The following STOX2 variants were observed in gnomAD, a reference collection of about 807,000 sequenced individuals.
The protein encoded by STOX2 is storkhead box 2.
STOX2 carries 28 observed loss-of-function variants against 60.9 expected under a neutral mutation model. The ratio of observed to expected loss-of-function variants is 0.46; its 90% CI spans 0.34 to 0.63. The LOEUF (loss-of-function observed/expected upper bound fraction) is 0.63, where lower values mean the gene tolerates loss of function less well. STOX2 is among the 30% of genes least tolerant of loss of function. The pLI, the probability that STOX2 is intolerant of heterozygous loss-of-function variation, is 0.01. For missense variants in STOX2, 1,024 were observed against 1,187.7 expected (o/e 0.86, Z 2.03); for synonymous variants, 472 against 463.9 (o/e 1.02, Z -0.22).
intron 1 of STOX2, among the ~76,000 whole-genome samples, chr4:183,917,000 C>T (rs893902199): frequency 8.5e-5 from 13 of 152,200 alleles, no homozygotes; most frequent in African/African-American, 2.9e-4. Flanking sequence ...GACACATCTG[C>T]CATTTTCTTG....
chr4:183,990,496 T>C (rs1733055314), intron 1 of STOX2, among the ~76,000 whole-genome samples: 1 of 151,056 alleles, frequency 6.6e-6, no homozygotes, highest in Non-Finnish European at 1.5e-5. Context: ...TTTTCTGCTG[T>C]CTACATCTCC....
At position 183,806,797 on chromosome 4, in the gene STOX2, A is replaced by G. The variant is rs1317452710; in HGVS notation, c.364+8742A>G. Among the ~76,000 whole-genome samples, 2 of 152,246 alleles carry G rather than the reference A, an allele frequency of 1.3e-5. No individual in the cohort carries two copies. Among genetic ancestry groups the G allele is most frequent in the East Asian group, 3.9e-4 (2 of 5,184 alleles). ...CCGCCGCCGTCCAAATTTTGAGGAA[A>G]CAAACATTTATGTGTTCGTGTTCAG... is the stretch of plus-strand genomic sequence containing the variant. On this transcript the variant is annotated intron_variant, in intron 1 of 2. Coordinates refer to the STOX2 transcript ENST00000513034. The surrounding 1 kb of genome is among the most constrained non-coding windows in gnomAD (Gnocchi z 4.1).
Position 183,948,852 on chromosome 4 carries a change from A to G in STOX2, c.166+41896A>G, listed in dbSNP as rs189371462. ...GGGCTGCCTTATTCTTAAAATCGCA[A>G]TAATGAGACCTCACTTACCAGGTTG... On this transcript the variant is annotated intron_variant, in intron 1 of 3. Transcript: ENST00000308497. Among the ~76,000 whole-genome samples, 11 of 152,238 alleles carry G rather than the reference A, an allele frequency of 7.2e-5. No homozygotes were observed. In the East Asian group the frequency reaches 1.4e-3, roughly 19 times the overall value.
chr4:184,006,877 G>A (rs1374397151), intron 2 of STOX2, among the ~76,000 whole-genome samples: 5 of 149,236 alleles, frequency 3.4e-5, no homozygotes, highest in African/African-American at 9.8e-5. Flanking sequence ...TTAGCTGGGC[G>A]TAGTGGCGGG....
chr4:183,798,158 C>T, intron 1 of STOX2: 1 of 1,117,332 alleles, frequency 8.9e-7, no homozygotes, highest in Non-Finnish European at 1.1e-6. Flanking sequence ...CCGCGGGCAC[C>T]GCCGAGGCTC....
intron 1 of STOX2, chr4:183,853,288 C>G (rs1171968258): frequency 6.6e-6 from 1 of 152,214 alleles, no homozygotes; most frequent in Non-Finnish European, 1.5e-5. Context: ...TGTTTGGAGA[C>G]TGTGCTGAGC....
rs369321458 is a variant in STOX2, at chr4:183,798,078, C to G, written c.364+23C>G. The G allele has an allele frequency of 2.2e-4, 272 of 1,226,132 alleles. 1 individual carries two copies. The East Asian group carries it at 7.7e-3, about 35-fold the overall frequency. The allele number at this position is 1,226,132 out of a possible 1,614,324, so 76.0% of individuals were successfully genotyped here. On this transcript the variant is annotated intron_variant, in intron 1 of 2. Coordinates refer to the STOX2 transcript ENST00000513034. ...TGGGTGAGTGCGACCGCCGCGCGCC[C>G]GTCCCGTCCCTTCCCACCGGATCGC...
At chr4:183,859,225 G>C (rs1482964924) in intron 1 of STOX2, among the ~76,000 whole-genome samples, 2 of 152,188 alleles carry the variant, frequency 1.3e-5, no homozygotes, top group East Asian at 3.8e-4. Flanking sequence ...CCTCTTCCCA[G>C]TGTTGTAGGG....
intron 1 of STOX2, among the ~76,000 whole-genome samples, chr4:183,975,338 A>G (rs542430741): frequency 1.6e-4 from 25 of 152,248 alleles, no homozygotes; most frequent in African/African-American, 6.0e-4. Context: ...TTTTATAAAG[A>G]TAAGAGTAGA....
chr4:183,932,456 A>C (rs1016586171), intron 1 of STOX2, among the ~76,000 whole-genome samples: 3 of 133,658 alleles, frequency 2.2e-5, no homozygotes, highest in Non-Finnish European at 4.6e-5. Context: ...ATGTATGTAT[A>C]CATACAGTAT....
At chr4:184,015,417 A>C (rs1734325318) in intron 3 of STOX2, 2 of 152,210 alleles carry the variant, frequency 1.3e-5, no homozygotes, top group Non-Finnish European at 2.9e-5. Flanking sequence ...CAGATTTACC[A>C]TAAGCATAAT....
intron 2 of STOX2, among the ~76,000 whole-genome samples, chr4:184,007,905 A>C (rs1579542598): frequency 1.3e-5 from 2 of 152,144 alleles, no homozygotes; most frequent in Non-Finnish European, 2.9e-5. Flanking sequence ...CCTTTCTCCA[A>C]ATAGAGTCAT....
chr4:183,944,480 C>A (rs1488854422), intron 1 of STOX2, among the ~76,000 whole-genome samples: 2 of 152,206 alleles, frequency 1.3e-5, no homozygotes, highest in African/African-American at 4.8e-5. Flanking sequence ...CTTTGGGAGG[C>A]CAAGGTGGGT....
chr4:183,827,766 C>T (rs949232279), intron 1 of STOX2, among the ~76,000 whole-genome samples: 47 of 151,272 alleles, frequency 3.1e-4, no homozygotes, highest in African/African-American at 1.1e-3. Flanking sequence ...TCTGTAGTCC[C>T]AGCTGCTCGA....
rs1486383699 is a variant in STOX2 at position 184,021,928 on chromosome 4, C to CCCCCATCT, written c.*4649_*4656dup. ...CCCAAGCAGGAGCAATCTCTTCTAT[C>CCCCCATCT]CCCCATCTCCCCCAGGACCATCCCG... is the stretch of plus-strand genomic sequence containing the variant. On this transcript the variant is annotated 3_prime_UTR_variant, in exon 4 of 4. Coordinates refer to ENST00000308497, the MANE Select transcript of STOX2 (RefSeq NM_020225.3). 1.3e-5 allele frequency: 2 copies of CCCCCATCT among 152,466 alleles called. No homozygotes were observed. Among genetic ancestry groups the CCCCCATCT allele is most frequent in the Non-Finnish European group, 2.9e-5 (2 of 68,308 alleles). The allele number at this position is 152,466 out of a possible 1,614,324, so 9.4% of individuals were successfully genotyped here.
At chr4:183,888,340 G>T (rs1741129258) in intron 1 of STOX2, among the ~76,000 whole-genome samples, 1 of 152,200 alleles carries the variant, frequency 6.6e-6, no homozygotes, top group South Asian at 2.1e-4. Flanking sequence ...CTTCACAGCA[G>T]CCTTGAGAAT....
intron 1 of STOX2, among the ~76,000 whole-genome samples, chr4:183,991,179 T>C (rs1579514941): frequency 1.3e-5 from 2 of 152,282 alleles, no homozygotes; most frequent in South Asian, 2.1e-4. Flanking sequence ...CCAAAGTCCC[T>C]AGTGTAATGC....
At chr4:183,910,475 ATGC>A (rs1460034914) in intron 1 of STOX2, among the ~76,000 whole-genome samples, 2 of 152,314 alleles carry the variant, frequency 1.3e-5, no homozygotes, top group East Asian at 3.9e-4. Context: ...CACACGAATG[ATGC>A]TGCTAACTTT....
chr4:183,964,693 C>T (rs1743510355), intron 1 of STOX2, among the ~76,000 whole-genome samples: 1 of 152,156 alleles, frequency 6.6e-6, no homozygotes, highest in East Asian at 1.9e-4. Context: ...AGCGATTCTC[C>T]CACCTCAGGC....
Sources: gnomAD v4.1 joint callset for allele counts (sites outside exome capture counted in the v4.1 genomes callset) on GRCh38, gnomAD v4.1.1 for gene constraint, Gnocchi (gnomAD v3.1) non-coding constraint, MANE v1.5 for transcripts, NCBI Gene and HGNC (gene_info 2026-07-23, HGNC 2026-07-21) for gene names.